AUTS2: variants seen among roughly 807,000 people sequenced by gnomAD.
The protein encoded by AUTS2 is autism susceptibility gene 2 protein.
AUTS2 carries 17 observed loss-of-function variants against 112.4 expected under a neutral mutation model. The ratio of observed to expected loss-of-function variants is 0.15; its 90% CI spans 0.10 to 0.23. The LOEUF (loss-of-function observed/expected upper bound fraction) is 0.23. Among genes scored for constraint, AUTS2 ranks in the 10% least tolerant of loss-of-function variants. The pLI, the probability that AUTS2 is intolerant of heterozygous loss-of-function variation, is 1.00. For missense variants in AUTS2, 1,510 were observed against 1,701.6 expected (o/e 0.89, Z 1.98); for synonymous variants, 751 against 702.7 (o/e 1.07, Z -1.09).
At chr7:70,409,303 C>G (rs1218934756) in intron 4 of AUTS2, among the ~76,000 whole-genome samples, 3 of 151,954 alleles carry the variant, frequency 2.0e-5, no homozygotes, top group Admixed American at 2.0e-4. Flanking sequence ...GTGCTGTGTA[C>G]TTGTCTAGTA....
intron 1 of AUTS2, among the ~76,000 whole-genome samples, chr7:69,703,995 G>A (rs1797942479): frequency 6.6e-6 from 1 of 152,146 alleles, no homozygotes; most frequent in Non-Finnish European, 1.5e-5. Context: ...ACAACGTCCT[G>A]GCTGCTGTGC....
intron 6 of AUTS2, among the ~76,000 whole-genome samples, chr7:70,715,712 A>C (rs1022469313): frequency 2.0e-5 from 3 of 151,920 alleles, no homozygotes; most frequent in Non-Finnish European, 4.4e-5. Context: ...TTGTATTTTT[A>C]GTAGAGATGA....
chr7:70,070,753 T>C (rs1332346637), intron 2 of AUTS2, among the ~76,000 whole-genome samples: 1 of 151,770 alleles, frequency 6.6e-6, no homozygotes, highest in Non-Finnish European at 1.5e-5. Context: ...ACACCTGTAG[T>C]CCCAGCTACT....
chr7:70,340,774 G>A (rs1167866771), intron 4 of AUTS2, among the ~76,000 whole-genome samples: 1 of 152,204 alleles, frequency 6.6e-6, no homozygotes, highest in African/African-American at 2.4e-5. Flanking sequence ...GAGAAGTTTT[G>A]ACATTTACAA....
intron 4 of AUTS2, among the ~76,000 whole-genome samples, chr7:70,154,533 T>C (rs989178257): frequency 2.0e-5 from 3 of 151,704 alleles, no homozygotes; most frequent in African/African-American, 7.3e-5. Flanking sequence ...ACAAGGTTAG[T>C]TTTTTTTTAA....
intron 1 of AUTS2, among the ~76,000 whole-genome samples, chr7:69,644,319 C>T (rs921406432): frequency 1.3e-5 from 2 of 152,000 alleles, no homozygotes; most frequent in Non-Finnish European, 2.9e-5. Context: ...TTGTAGAGGA[C>T]CCCTAGACTT....
intron 6 of AUTS2, among the ~76,000 whole-genome samples, chr7:70,753,171 A>G (rs551690999): frequency 1.3e-5 from 2 of 152,204 alleles, no homozygotes; most frequent in African/African-American, 4.8e-5. Context: ...TGATAGCCAA[A>G]CTAGCTTCTC....
At chr7:70,589,862 CAG>C (rs1056205626) in intron 5 of AUTS2, among the ~76,000 whole-genome samples, 1 of 152,224 alleles carries the variant, frequency 6.6e-6, no homozygotes, top group African/African-American at 2.4e-5. Flanking sequence ...GCCTGCCTGA[CAG>C]AGCCCCTCAG....
At position 70,106,576 on chromosome 7, in the gene AUTS2, C is replaced by T. The variant is rs139511082; in HGVS notation, c.523-11556C>T. On this transcript the variant is annotated intron_variant, in intron 2 of 18. Transcript: ENST00000342771. ...CTCTCAAAAAAATGTAGAAATTAGCCGGGCATGGTAGTATACACTTGTAGT... is the reference window on the plus strand; with the variant it reads ...CTCTCAAAAAAATGTAGAAATTAGCTGGGCATGGTAGTATACACTTGTAGT... Among the ~76,000 whole-genome samples the T allele has an allele frequency of 3.2e-3, 493 of 152,142 alleles. 2 individuals are homozygous for T. Among genetic ancestry groups the T allele is most frequent in the Non-Finnish European group, 5.9e-3 (398 of 68,008 alleles).
At chr7:69,946,973 A>G (rs1315724698) in intron 2 of AUTS2, among the ~76,000 whole-genome samples, 1 of 152,048 alleles carries the variant, frequency 6.6e-6, no homozygotes, top group African/African-American at 2.4e-5. Context: ...TTAGTCCTCA[A>G]CTCATGGAAA....
intron 5 of AUTS2, among the ~76,000 whole-genome samples, chr7:70,666,837 T>C (rs2107942): frequency 0.34 from 50,983 of 151,688 alleles, 9,787 homozygotes; most frequent in East Asian, 0.68. Context: ...GGGCTGATTG[T>C]GTTCCTGGGA....
chr7:70,161,013 G>T (rs899043121), intron 4 of AUTS2, among the ~76,000 whole-genome samples: 17 of 152,164 alleles, frequency 1.1e-4, no homozygotes, highest in Non-Finnish European at 2.4e-4. Context: ...CTGATATAAT[G>T]ATGCTGAAAC....
chr7:70,762,437 AT>A (rs879642605), intron 6 of AUTS2, among the ~76,000 whole-genome samples: 39 of 145,964 alleles, frequency 2.7e-4, no homozygotes, highest in Non-Finnish European at 2.9e-4. Flanking sequence ...CACCTGGCTA[AT>A]TTTTTTTTTT....
intron 2 of AUTS2, among the ~76,000 whole-genome samples, chr7:70,054,760 A>G (rs1016516370): frequency 5.3e-5 from 8 of 152,312 alleles, no homozygotes; most frequent in Admixed American, 2.0e-4. Flanking sequence ...TCTGATTTCC[A>G]GAACTATTGA....
intron 1 of AUTS2, among the ~76,000 whole-genome samples, chr7:69,859,734 G>C (rs1206509917): frequency 6.6e-6 from 1 of 152,182 alleles, no homozygotes; most frequent in Non-Finnish European, 1.5e-5. Flanking sequence ...TTCTACTTCA[G>C]ATAGATGCTC....
At chr7:70,412,481 A>C (rs1046593145) in intron 4 of AUTS2, among the ~76,000 whole-genome samples, 5 of 152,186 alleles carry the variant, frequency 3.3e-5, no homozygotes, top group Non-Finnish European at 5.9e-5. Context: ...GCATCTGTAG[A>C]ATAACACCAT....
At chr7:70,241,435 G>A (rs1259283412) in intron 4 of AUTS2, among the ~76,000 whole-genome samples, 2 of 152,076 alleles carry the variant, frequency 1.3e-5, no homozygotes, top group African/African-American at 2.4e-5. Flanking sequence ...ATATATAAAT[G>A]TTCTGTAAAA....
chr7:70,059,132 A>G (rs1802125512), intron 2 of AUTS2, among the ~76,000 whole-genome samples: 1 of 152,206 alleles, frequency 6.6e-6, no homozygotes, highest in Non-Finnish European at 1.5e-5. Context: ...ATCACACAAA[A>G]TAGTTTCATT....
At chr7:70,402,723 G>A (rs1794376168) in intron 4 of AUTS2, among the ~76,000 whole-genome samples, 1 of 152,134 alleles carries the variant, frequency 6.6e-6, no homozygotes, top group African/African-American at 2.4e-5. Context: ...TGACCTTTCT[G>A]AGCTTCAGTC....
Sources: allele counts gnomAD v4.1 joint callset (sites outside exome capture counted in the v4.1 genomes callset), GRCh38; gene constraint gnomAD v4.1.1; transcripts MANE v1.5; gene names NCBI Gene and HGNC (gene_info 2026-07-23, HGNC 2026-07-21).